Variants in NUP210 observed in about 807,000 individuals in gnomAD.
NUP210 encodes nucleoporin 210, also known as nuclear pore membrane glycoprotein 210.
NUP210 carries 151 observed loss-of-function variants against 196.0 expected under a neutral mutation model. That is an observed-to-expected ratio of 0.77 (90% CI 0.67 to 0.88). The LOEUF is 0.88. Ranked by LOEUF, NUP210 falls within the 40% of genes least tolerant of loss-of-function variation. NUP210 has a pLI of 0.00. For missense variants in NUP210, 2,314 were observed against 2,493.7 expected (o/e 0.93, Z 1.53); for synonymous variants, 1,070 against 1,052.7 (o/e 1.02, Z -0.32).
chr3:13,373,729 C>A lies in NUP210; in HGVS notation c.1576G>T (p.Gly526Cys). ...AHDVQNPLHF[G>C]EMKVYVIEPH... Reference sequence around the variant, plus strand: ...CCCTGAGATCTCACCTTCATCTCACCGAAATGGAGTGGGTTCTGCACATCA... The same window carrying A: ...CCCTGAGATCTCACCTTCATCTCACAGAAATGGAGTGGGTTCTGCACATCA... Residue 526 changes from glycine to cysteine, a missense_variant, in exon 12 of 40, where the codon GGT becomes TGT. Transcript: ENST00000254508. The A allele has an allele frequency of 6.2e-7, 1 of 1,614,126 alleles. No individual in the cohort carries two copies. Among genetic ancestry groups the A allele is most frequent in the Non-Finnish European group, 8.5e-7 (1 of 1,179,992 alleles).
intron 9 of NUP210, 29 bp downstream of exon 9, chr3:13,377,427 C>T (rs780802778): frequency 1.3e-6 from 2 of 1,528,528 alleles, no homozygotes; most frequent in East Asian, 2.3e-5. Context: ...CACCTCATCC[C>T]CCCAGCCAGG....
chr3:13,377,467 A>T lies in NUP210; in HGVS notation c.1141T>A (p.Tyr381Asn). The change falls in exon 9 of 40, where the codon TAT becomes AAT. Residue 381 changes from tyrosine to asparagine, a missense_variant. Tyr to Asn is a moderately radical substitution (Grantham distance 143). Transcript: ENST00000254508. Reference protein sequence around the residue: ...EVFDKFSNKVYVSDNIRIETV... With the variant: ...EVFDKFSNKVNVSDNIRIETV... ...GAACAGGCACTCACGTCAGATACATAGACCTTGTTGCTGAACTTGTCAAAA... is the reference window on the plus strand; with the variant it reads ...GAACAGGCACTCACGTCAGATACATTGACCTTGTTGCTGAACTTGTCAAAA... The T allele has an allele frequency of 6.2e-7, 1 of 1,612,454 alleles. No individual in the cohort carries two copies. Among genetic ancestry groups the T allele is most frequent in the African/African-American group, 1.3e-5 (1 of 74,996 alleles).
At chr3:13,332,533 G>A in intron 28 of NUP210, 149 bp from the exon 29 acceptor site, 3 of 646,150 alleles carry the variant, frequency 4.6e-6, no homozygotes, top group South Asian at 1.8e-5. Context: ...ATGACATGAT[G>A]TGAAGGGCTG....
intron 3 of NUP210, 84 bp downstream of exon 3, chr3:13,397,273 G>A (rs1180838415): frequency 2.7e-6 from 4 of 1,493,886 alleles, no homozygotes; most frequent in African/African-American, 1.4e-5. Context: ...CCAGAGGAGT[G>A]GGGAATGCAG....
chr3:13,369,414 T>A (rs941246849), intron 13 of NUP210, among the ~76,000 whole-genome samples: 2 of 152,236 alleles, frequency 1.3e-5, no homozygotes. Context: ...AGAACTTTTT[T>A]ATTTTGTTGT....
chr3:13,333,282 C>T (rs998529659), intron 28 of NUP210, among the ~76,000 whole-genome samples: 5 of 152,230 alleles, frequency 3.3e-5, no homozygotes, highest in African/African-American at 1.2e-4. Flanking sequence ...GTGTAAGTCC[C>T]CTCTCTCAGG....
intron 1 of NUP210, among the ~76,000 whole-genome samples, chr3:13,412,456 G>A (rs1700208877): frequency 6.6e-6 from 1 of 151,946 alleles, no homozygotes; most frequent in Non-Finnish European, 1.5e-5. Context: ...GCTCACACCT[G>A]TAATCCCAGC....
chr3:13,375,639 A>G lies in NUP210; in HGVS notation c.1296T>C (p.Asp432=). The change falls in exon 11 of 40, where the codon GAT becomes GAC. Residue 432 remains aspartate (D), a splice_region_variant and synonymous_variant. Transcript: ENST00000254508. The part of the protein sequence containing the change: ...DAALTSVVDQ[D]GGVHILQVPV... The stretch of plus-strand genomic sequence containing the variant: ...GCACCTGTAGTATGTGGACCCCTCC[A>G]TCCTACAAGGGGTGAGGGTGCCACA... The G allele has an allele frequency of 6.2e-7, 1 of 1,613,286 alleles. No individual in the cohort carries two copies. The highest frequency in any genetic ancestry group is 8.5e-7 in the Non-Finnish European group (1 of 1,179,734).
intron 16 of NUP210, among the ~76,000 whole-genome samples, chr3:13,355,010 GTC>G (rs1698120863): frequency 1.3e-5 from 2 of 152,354 alleles, no homozygotes; most frequent in African/African-American, 2.4e-5. Flanking sequence ...GAGGCCAAGT[GTC>G]TCTGACCCCA....
chr3:13,394,367 G>T (rs1699586231), intron 3 of NUP210, among the ~76,000 whole-genome samples: 1 of 152,254 alleles, frequency 6.6e-6, no homozygotes. Context: ...CACGCAAAAA[G>T]AAGCTATTAG....
Position 13,379,579 on chromosome 3 carries a change from G to C in NUP210, c.960C>G (p.Leu320=). The C allele has an allele frequency of 6.2e-7, 1 of 1,614,100 alleles. No individual in the cohort carries two copies. Among genetic ancestry groups the C allele is most frequent in the Non-Finnish European group, 8.5e-7 (1 of 1,180,028 alleles). Residue 320 remains leucine (L), a synonymous_variant, in exon 7 of 40, where the codon CTC becomes CTG. Transcript: ENST00000254508. This position sits in a 1 kb window ranked among gnomAD's most constrained non-coding sequence, Gnocchi z 4.2. ...VTALQLGQSS[L]VLGHRSIRMQ... is the part of the protein sequence containing the mutation. ...AAAGGATATTCCTGTGGCCAAGGAC[G>C]AGGCTGCTCTGTCCCAGCTGCAGTG...
In NUP210 at chr3:13,323,448, A is replaced by G. The variant is rs779691713; in HGVS notation, c.4645-16T>C. The G allele has an allele frequency of 3.1e-6, 5 of 1,613,470 alleles. No individual in the cohort carries two copies. The highest frequency in any genetic ancestry group is 4.2e-6 in the Non-Finnish European group (5 of 1,179,792). On this transcript the variant is annotated splice_polypyrimidine_tract_variant and intron_variant, in intron 33 of 39. Transcript: ENST00000254508. This position sits in a 1 kb window ranked among gnomAD's most constrained non-coding sequence, Gnocchi z 4.3. ...TGACCACCACCTAGAGAGGGAGCCA[A>G]GGAAGCTTCATGGAGCGCCGCCTGT...
chr3:13,331,128 C>A (rs1696980362), intron 29 of NUP210, among the ~76,000 whole-genome samples: 1 of 152,150 alleles, frequency 6.6e-6, no homozygotes, highest in Non-Finnish European at 1.5e-5. Context: ...GCGTTGACTT[C>A]TTACTTGGTA....
At chr3:13,389,930 T>C (rs2009190) in intron 4 of NUP210, among the ~76,000 whole-genome samples, 87,753 of 152,010 alleles carry the variant, frequency 0.58, 26,519 homozygotes, top group African/African-American at 0.76. Flanking sequence ...AGGGCCACTC[T>C]ACAGATAACT....
At chr3:13,409,211 T>C (rs1174015827) in intron 1 of NUP210, among the ~76,000 whole-genome samples, 2 of 152,268 alleles carry the variant, frequency 1.3e-5, no homozygotes, top group Non-Finnish European at 2.9e-5. Flanking sequence ...TGTAGGTGCC[T>C]GTCTGCTATG....
chr3:13,397,219 C>G (rs1699687324), intron 3 of NUP210, 138 bp downstream of exon 3: 1 of 1,045,872 alleles, frequency 9.6e-7, no homozygotes, highest in Admixed American at 3.6e-5. Flanking sequence ...CCAACTTCAC[C>G]TGCCTGACCA....
At position 13,347,678 on chromosome 3, in the gene NUP210, G is replaced by A. The variant is rs11929584; in HGVS notation, c.2835+4201C>T. On this transcript the variant is annotated intron_variant, in intron 20 of 39. Coordinates refer to ENST00000254508, the MANE Select transcript of NUP210 (RefSeq NM_024923.4). The surrounding 1 kb of genome is among the most constrained non-coding windows in gnomAD (Gnocchi z 4.7). ...GGAAGGAAAGAAACCCTTTCTCTGA[G>A]CTAACTGGGGAGCGCTGGGGGCTTG... Among the ~76,000 whole-genome samples the A allele has an allele frequency of 0.034, 5,126 of 152,264 alleles. 117 individuals are homozygous for A. Among genetic ancestry groups the A allele is most frequent in the Middle Eastern group, 0.075 (22 of 294 alleles).
intron 20 of NUP210, among the ~76,000 whole-genome samples, chr3:13,349,866 A>C (rs1266732756): frequency 1.3e-5 from 2 of 152,214 alleles, no homozygotes; most frequent in East Asian, 3.9e-4. Context: ...GCCAGAGACA[A>C]ACGGAAAAAG....
At chr3:13,395,517 C>T (rs561316446) in intron 3 of NUP210, among the ~76,000 whole-genome samples, 18 of 152,308 alleles carry the variant, frequency 1.2e-4, no homozygotes, top group Admixed American at 1.1e-3. Flanking sequence ...AGGGTTTCAC[C>T]ATGTTGGCCA....
Sources: allele counts gnomAD v4.1 joint callset (sites outside exome capture counted in the v4.1 genomes callset), GRCh38; gene constraint gnomAD v4.1.1; non-coding constraint Gnocchi (gnomAD v3.1); transcripts MANE v1.5; gene names NCBI Gene and HGNC (gene_info 2026-07-23, HGNC 2026-07-21).